The following JMJD6 variants were observed in gnomAD, a reference collection of about 807,000 sequenced individuals.
JMJD6 encodes bifunctional arginine demethylase and lysyl-hydroxylase JMJD6.
A neutral mutation model predicts 45.8 loss-of-function variants in JMJD6; 17 were observed. That is an observed-to-expected ratio of 0.37 (90% CI 0.25 to 0.56). JMJD6 has a LOEUF of 0.56. Ranked by LOEUF, JMJD6 falls within the 20% of genes least tolerant of loss-of-function variation. The pLI is 0.79. For synonymous variants in JMJD6, 221 were observed against 196.3 expected (o/e 1.13, Z -1.05); for missense variants, 470 against 517.5 (o/e 0.91, Z 0.89).
chr17:76,719,114 T>C (rs1166184141), intron 5 of JMJD6, among the ~76,000 whole-genome samples: 1 of 152,224 alleles, frequency 6.6e-6, no homozygotes, highest in African/African-American at 2.4e-5. Context: ...GTTATCTGTC[T>C]GAATAGGATA....
At position 76,726,450 on chromosome 17, in the gene JMJD6, A is replaced by T; in HGVS notation, c.26T>A (p.Ile9Asn). MNHKSKKR[I>N]REAKRSARPE... The stretch of plus-strand genomic sequence containing the variant: ...CCGCGCACTCCGCTTGGCCTCGCGG[A>T]TGCGCTTCTTGCTCTTGTGGTTCAT... Residue 9 changes from isoleucine (I) to asparagine (N), a missense_variant, in exon 1 of 6, where the codon ATC becomes AAC. By Grantham distance (149) the Ile-to-Asn change is moderately radical. Transcript: ENST00000397625. 1 of 1,602,644 alleles carries T rather than the reference A, an allele frequency of 6.2e-7. No individual in the cohort carries two copies. The highest frequency in any genetic ancestry group is 8.5e-7 in the Non-Finnish European group (1 of 1,175,632).
downstream of JMJD6, chr17:76,715,401 G>A (rs912402663): frequency 6.6e-6 from 1 of 152,228 alleles, no homozygotes; most frequent in Non-Finnish European, 1.5e-5. Flanking sequence ...GGCATTTGAG[G>A]ATGCAGAAAA....
intron 4 of JMJD6, among the ~76,000 whole-genome samples, chr17:76,721,049 A>G (rs1444937953): frequency 6.6e-6 from 1 of 152,226 alleles, no homozygotes; most frequent in Non-Finnish European, 1.5e-5. Flanking sequence ...CCTCCCCTTC[A>G]GAAACCTTAT....
chr17:76,719,960 T>C (rs1331506283), intron 5 of JMJD6, among the ~76,000 whole-genome samples: 6 of 152,084 alleles, frequency 3.9e-5, no homozygotes, highest in Non-Finnish European at 7.4e-5. Context: ...TACTGAAGTA[T>C]ACAGAGTTTA....
rs778220189 is a variant in JMJD6, at chr17:76,725,760, C to G, written c.225G>C (p.Ala75=). 1 of 1,613,980 alleles carries G rather than the reference C, an allele frequency of 6.2e-7. No homozygotes were observed. The change falls in exon 2 of 6, where the codon GCG becomes GCC. Residue 75 remains alanine (A), a synonymous_variant. Coordinates refer to ENST00000397625, the MANE Select transcript of JMJD6 (RefSeq NM_015167.3). Reference sequence around the variant, plus strand: ...TCTCCTGCGCAGACCAGCCCTCTTGCGCATTCAACAAAACCACGGGCTTGT... The same window carrying G: ...TCTCCTGCGCAGACCAGCCCTCTTGGGCATTCAACAAAACCACGGGCTTGT... ...RPYKPVVLLN[A]QEGWSAQEKW...
intron 3 of JMJD6, 78 bp from the exon 4 acceptor site, chr17:76,722,011 G>C (rs867470880): frequency 1.0e-4 from 152 of 1,498,172 alleles, no homozygotes; most frequent in Middle Eastern, 6.9e-4. Flanking sequence ...ACCAGAAATT[G>C]GGAACTCCTA....
intron 2 of JMJD6, 46 bp downstream of exon 2, chr17:76,725,421 A>AAG (rs1555648110): frequency 5.5e-5 from 82 of 1,492,894 alleles, no homozygotes; most frequent in Non-Finnish European, 6.8e-5. Context: ...AAAAAAAAAA[A>AAG]AAAAAAAGAA....
downstream of JMJD6, among the ~76,000 whole-genome samples, chr17:76,717,684 CT>C (rs2076775222): frequency 6.6e-6 from 1 of 151,518 alleles, no homozygotes; most frequent in East Asian, 1.9e-4. Flanking sequence ...TTTGTCACTA[CT>C]AAAAATAATA....
At chr17:76,717,589 A>C (rs1053883166), downstream of JMJD6, among the ~76,000 whole-genome samples, 3 of 152,112 alleles carry the variant, frequency 2.0e-5, no homozygotes, top group Non-Finnish European at 4.4e-5. Flanking sequence ...TGCTTGTTGT[A>C]ATAATCCTGC....
intron 2 of JMJD6, 117 bp downstream of exon 2, chr17:76,725,350 G>A (rs1047428624): frequency 2.0e-6 from 2 of 987,286 alleles, no homozygotes; most frequent in East Asian, 5.4e-5. Context: ...AGGTTGCTGT[G>A]AGCCGAGATC....
chr17:76,720,879 C>A (rs1024681582), intron 4 of JMJD6, among the ~76,000 whole-genome samples: 16 of 152,296 alleles, frequency 1.1e-4, no homozygotes, highest in South Asian at 6.2e-4. Flanking sequence ...TTAAAAAAAT[C>A]TTTCCTTTCC....
chr17:76,724,709 C>T (rs992447549), intron 2 of JMJD6, among the ~76,000 whole-genome samples: 17 of 151,608 alleles, frequency 1.1e-4, no homozygotes, highest in Non-Finnish European at 2.2e-4. Flanking sequence ...CCCAGCTACT[C>T]AGGAGGCTGA....
intron 2 of JMJD6, among the ~76,000 whole-genome samples, chr17:76,725,019 C>A (rs1454513079): frequency 6.6e-6 from 1 of 152,074 alleles, no homozygotes; most frequent in African/African-American, 2.4e-5. Context: ...CCTCAGGAGC[C>A]CCCTAAATGA....
chr17:76,726,334 C>T lies in JMJD6; in HGVS notation c.129+13G>A, dbSNP rs951625587. 4.5e-6 allele frequency: 7 copies of T among 1,564,976 alleles called. No individual in the cohort carries two copies. Among genetic ancestry groups the T allele is most frequent in the Non-Finnish European group, 4.3e-6 (5 of 1,159,310 alleles). On this transcript the variant is annotated intron_variant, in intron 1 of 5. Transcript: ENST00000397625. ...CGATGCCCGGCCTGGCCACCCCCGC[C>T]CGACCCGCTCACCGCCACGGCCGCC...
At position 76,723,786 on chromosome 17, in the gene JMJD6, G is replaced by A. The variant is rs768351736; in HGVS notation, c.791C>T (p.Thr264Ile). 4.3e-6 allele frequency: 7 copies of A among 1,613,954 alleles called. No individual in the cohort carries two copies. Among genetic ancestry groups the A allele is most frequent in the Non-Finnish European group, 5.1e-6 (6 of 1,179,942 alleles). Residue 264 changes from threonine (T) to isoleucine (I), a missense_variant, in exon 3 of 6, where the codon ACT (threonine) becomes ATT (isoleucine). Physicochemically the swap from Thr to Ile is moderately conservative, Grantham distance 89 (BLOSUM62 -1). Coordinates refer to ENST00000397625, the MANE Select transcript of JMJD6 (RefSeq NM_015167.3). The part of the protein sequence containing the change: ...PLEILQKPGE[T>I]VFVPGGWWHV... The stretch of plus-strand genomic sequence containing the variant: ...TTCATCTATACCTGGTACAAAGACA[G>A]TCTCTCCTGGTTTTTGTAAGATTTC...
rs1490165218 is a variant in JMJD6 at position 76,724,002 on chromosome 17, C to A, written c.575G>T (p.Gly192Val). The A allele has an allele frequency of 1.2e-6, 2 of 1,614,164 alleles. No homozygotes were observed. The highest frequency in any genetic ancestry group is 1.7e-6 in the Non-Finnish European group (2 of 1,180,036). ...SGTGIHIDPL[G>V]TSAWNALVQG... ...AACTAAGGCATTCCAGGCACTGGTT[C>A]CCAGAGGGTCGATGTGAATCCCAGT... is the stretch of plus-strand genomic sequence containing the variant. Residue 192 changes from glycine to valine, a missense_variant, in exon 3 of 6, where the codon GGA (glycine) becomes GTA (valine). Transcript: ENST00000397625.
At position 76,726,597 on chromosome 17, in the gene JMJD6, C is replaced by T; in HGVS notation, c.-122G>A. ...TACCCAAACGCCCTTCGCTCAGTCC[C>T]GGCGCCTTTAAAGTCGCCTTCCAGA... On this transcript the variant is annotated 5_prime_UTR_variant, in exon 1 of 6. Coordinates refer to ENST00000397625, the MANE Select transcript of JMJD6 (RefSeq NM_015167.3). 1.5e-6 allele frequency: 2 copies of T among 1,348,640 alleles called. No individual in the cohort carries two copies. The highest frequency in any genetic ancestry group is 2.0e-6 in the Non-Finnish European group (2 of 1,017,112). The allele number at this position is 1,348,640 out of a possible 1,614,324, so 83.5% of individuals were successfully genotyped here.
rs536017525 is a variant in JMJD6, at chr17:76,720,586, G to C, written c.942-88C>G. 2.7e-4 allele frequency: 370 copies of C among 1,348,036 alleles called. 3 individuals are homozygous for C. The South Asian group carries it at 4.3e-3, about 15-fold the overall frequency. 83.5% of individuals were successfully genotyped at this position (1,348,036 alleles called of 1,614,324 possible). A position where few individuals can be genotyped will look rare whatever the true frequency, so the allele number is the denominator to read the frequency against. ...TCAGAGTCGAGGCCTGTGTCTCTCAGAAACACCTGGGAATGCCAGGTGTGT... is the reference window on the plus strand; with the variant it reads ...TCAGAGTCGAGGCCTGTGTCTCTCACAAACACCTGGGAATGCCAGGTGTGT... On this transcript the variant is annotated intron_variant, in intron 4 of 5. Coordinates refer to ENST00000397625, the MANE Select transcript of JMJD6 (RefSeq NM_015167.3).
intron 4 of JMJD6, chr17:76,720,719 A>C: frequency 2.3e-6 from 1 of 442,768 alleles, no homozygotes; most frequent in Admixed American, 3.4e-5. Flanking sequence ...TATACTAACT[A>C]CACACAATTT....
Sources: gnomAD v4.1 joint callset for allele counts (sites outside exome capture counted in the v4.1 genomes callset) on GRCh38, gnomAD v4.1.1 for gene constraint, MANE v1.5 for transcripts, NCBI Gene and HGNC (gene_info 2026-07-23, HGNC 2026-07-21) for gene names.